Variants in TMEM174 observed in about 807,000 individuals in gnomAD.
TMEM174 encodes transmembrane protein 174.
Under a neutral mutation model 15.1 loss-of-function variants are expected in TMEM174, and 11 were observed. The observed-to-expected ratio is 0.73, with a 90% CI of 0.46 to 1.20. The LOEUF is 1.20. TMEM174 is among the 50% of genes most tolerant of loss of function. The probability of loss-of-function intolerance (pLI) is 0.00; values close to 1 mark genes in which losing one functional copy is unlikely to be tolerated. For synonymous variants in TMEM174, 130 were observed against 121.3 expected, an observed-to-expected ratio of 1.07 and a Z score of -0.47; for missense variants, 321 against 303.6, an observed-to-expected ratio of 1.06 and a Z score of -0.43.
Position 73,174,473 on chromosome 5 carries a change from C to T in TMEM174, c.*308C>T, listed in dbSNP as rs1002213965. 90 of 259,830 alleles carry T rather than the reference C, an allele frequency of 3.5e-4. No homozygotes were observed. The highest frequency in any genetic ancestry group is 2.5e-3 in the Middle Eastern group (2 of 812). 16.1% of individuals were successfully genotyped at this position (259,830 alleles called of 1,614,324 possible). On this transcript the variant is annotated 3_prime_UTR_variant, in exon 2 of 2. Coordinates refer to ENST00000296776, the MANE Select transcript of TMEM174 (RefSeq NM_153217.3). Reference sequence around the variant, plus strand: ...TTTCATCCACCACCCTCCCCCTTCTCTGTAGGAAGGCATTGGTGGCTCAAT... The same window carrying T: ...TTTCATCCACCACCCTCCCCCTTCTTTGTAGGAAGGCATTGGTGGCTCAAT...
At position 73,174,794 on chromosome 5, in the gene TMEM174, C is replaced by T. The variant is rs962994725; in HGVS notation, c.*629C>T. 2 of 152,498 alleles carry T rather than the reference C, an allele frequency of 1.3e-5. No individual in the cohort carries two copies. Among genetic ancestry groups the T allele is most frequent in the Admixed American group, 1.3e-4 (2 of 15,290 alleles). The allele number at this position is 152,498 out of a possible 1,614,324, so 9.4% of individuals were successfully genotyped here. ...TGCTAGAATAGTATTGGATACCTGA[C>T]TAAATTACACAAAATAGACCATAAT... On this transcript the variant is annotated 3_prime_UTR_variant, in exon 2 of 2. Coordinates refer to ENST00000296776, the MANE Select transcript of TMEM174 (RefSeq NM_153217.3).
chr5:73,174,097 C>T lies in TMEM174; in HGVS notation c.664C>T (p.Leu222=). Residue 222 remains leucine (L), a synonymous_variant, in exon 2 of 2, where the codon CTG becomes TTG. Coordinates refer to ENST00000296776, the MANE Select transcript of TMEM174 (RefSeq NM_153217.3). ...TGTTGACCAGCTAGAAGAGACACAG[C>T]TGGAAGAGGAGGCCTGTGCCTGCTT... ...PDVDQLEETQ[L]EEEACACFSP... is the part of the protein sequence containing the mutation. 8.1e-6 allele frequency: 13 copies of T among 1,614,126 alleles called. No individual in the cohort carries two copies. The highest frequency in any genetic ancestry group is 1.1e-5 in the Non-Finnish European group (13 of 1,180,040).
intron 1 of TMEM174, 81 bp from the exon 2 acceptor site, chr5:73,173,979 C>T (rs1745023321): frequency 1.2e-6 from 2 of 1,604,684 alleles, no homozygotes; most frequent in African/African-American, 1.3e-5. Flanking sequence ...TCTTCTTAGC[C>T]TGTTGCCCAC....
Position 73,174,120 on chromosome 5 carries a change from C to T in TMEM174, c.687C>T (p.Cys229=), listed in dbSNP as rs759175513. 21 of 1,614,068 alleles carry T rather than the reference C, an allele frequency of 1.3e-5. No homozygotes were observed. Among genetic ancestry groups the T allele is most frequent in the East Asian group, 4.5e-5 (2 of 44,888 alleles). Residue 229 remains cysteine (C), a synonymous_variant, in exon 2 of 2, where the codon TGC becomes TGT. Transcript: ENST00000296776. ...AGCTGGAAGAGGAGGCCTGTGCCTGCTTCTCTCCTCCCCCTTATGAAGAAA... is the reference window on the plus strand; with the variant it reads ...AGCTGGAAGAGGAGGCCTGTGCCTGTTTCTCTCCTCCCCCTTATGAAGAAA... ...ETQLEEEACA[C]FSPPPYEEIY... is the part of the protein sequence containing the mutation.
chr5:73,173,956 G>T, intron 1 of TMEM174, 87 bp downstream of exon 1: 1 of 1,598,272 alleles, frequency 6.3e-7, no homozygotes, highest in Non-Finnish European at 8.5e-7. Context: ...AAGGTGTTGG[G>T]AGACTGTGAA....
At position 73,174,162 on chromosome 5, in the gene TMEM174, C is replaced by T. The variant is rs746871661; in HGVS notation, c.729C>T (p.Arg243=). The T allele has an allele frequency of 1.2e-6, 2 of 1,612,388 alleles. No individual in the cohort carries two copies. Among genetic ancestry groups the T allele is most frequent in the South Asian group, 2.2e-5 (2 of 91,042 alleles). ...ATGAAGAAATATACTCTCTCCCTCGCTAGAGGCTATTCTGATATAATAACA... is the reference window on the plus strand; with the variant it reads ...ATGAAGAAATATACTCTCTCCCTCGTTAGAGGCTATTCTGATATAATAACA... ...PPYEEIYSLP[R] Residue 243 remains arginine, a synonymous_variant, in exon 2 of 2, where the codon CGC becomes CGT. Coordinates refer to ENST00000296776, the MANE Select transcript of TMEM174 (RefSeq NM_153217.3).
Position 73,174,881 on chromosome 5 carries a change from T to A in TMEM174, c.*716T>A, listed in dbSNP as rs4302564. The A allele has an allele frequency of 0.68, 103,166 of 151,906 alleles. 36,173 individuals carry two copies. The highest frequency in any genetic ancestry group is 0.81 in the Middle Eastern group (239 of 294). 9.4% of individuals were successfully genotyped at this position (151,906 alleles called of 1,614,324 possible). On this transcript the variant is annotated 3_prime_UTR_variant, in exon 2 of 2. Transcript: ENST00000296776. ...AGTCACAGTGACCCTTGGCTGCTGC[T>A]GTTCTCTTCTGCAAGGTTGAAGCTT...
At position 73,173,858 on chromosome 5, in the gene TMEM174, T is replaced by G; in HGVS notation, c.615T>G (p.Gly205=). Residue 205 remains glycine, a synonymous_variant, in exon 1 of 2, where the codon GGT becomes GGG. Coordinates refer to ENST00000296776, the MANE Select transcript of TMEM174 (RefSeq NM_153217.3). The stretch of plus-strand genomic sequence containing the variant: ...AGGGCTGCCTTTCTTTCACGGACGG[T>G]GGAAATCACAGGTATGGCGTGTCTA... The part of the protein sequence containing the change: ...VDEGCLSFTD[G]GNHRPNPDVD... 6.2e-7 allele frequency: 1 copy of G among 1,611,970 alleles called. No individual in the cohort carries two copies. The highest frequency in any genetic ancestry group is 8.5e-7 in the Non-Finnish European group (1 of 1,178,404).
In TMEM174 at chr5:73,173,447, T is replaced by A. The variant is rs969586893; in HGVS notation, c.204T>A (p.Phe68Leu). The A allele has an allele frequency of 6.2e-7, 1 of 1,614,114 alleles. No individual in the cohort carries two copies. Among genetic ancestry groups the A allele is most frequent in the African/African-American group, 1.3e-5 (1 of 74,942 alleles). The change falls in exon 1 of 2, where the codon TTT becomes TTA. Residue 68 changes from phenylalanine to leucine, a missense_variant. By Grantham distance (22) the Phe-to-Leu change is conservative (BLOSUM62 0). Transcript: ENST00000296776. ...GWIKYQGVSH[F>L]EWTQLLGPVL... ...TCAAATACCAAGGTGTCTCCCACTT[T>A]GAATGGACCCAGCTCCTTGGGCCCG... is the stretch of plus-strand genomic sequence containing the variant.
Position 73,173,867 on chromosome 5 carries a change from C to G in TMEM174, c.624C>G (p.His208Gln), listed in dbSNP as rs115697383. 312 of 1,611,098 alleles carry G rather than the reference C, an allele frequency of 1.9e-4. No homozygotes were observed. In the African/African-American group the frequency reaches 3.7e-3, roughly 19 times the overall value. ...GCLSFTDGGN[H>Q]RPNPDVDQLE... ...TTTCTTTCACGGACGGTGGAAATCACAGGTATGGCGTGTCTACTGGGGGAA... is the reference window on the plus strand; with the variant it reads ...TTTCTTTCACGGACGGTGGAAATCAGAGGTATGGCGTGTCTACTGGGGGAA... Residue 208 changes from histidine to glutamine, a missense_variant and splice_region_variant, in exon 1 of 2, where the codon CAC (histidine) becomes CAG (glutamine). Physicochemically the swap from His to Gln is conservative, Grantham distance 24. Transcript: ENST00000296776.
rs760840316 is a variant in TMEM174 at position 73,173,643 on chromosome 5, G to A, written c.400G>A (p.Ala134Thr). The change falls in exon 1 of 2, where the codon GCC (alanine) becomes ACC (threonine). Residue 134 changes from alanine (A) to threonine (T), a missense_variant. Transcript: ENST00000296776. The stretch of plus-strand genomic sequence containing the variant: ...CAACCAACCCATCACCTTCCATGGG[G>A]CCACTGTGGTGCAGTACATCCCTCC... Reference protein sequence around the residue: ...GINQPITFHGATVVQYIPPPY... With the variant: ...GINQPITFHGTTVVQYIPPPY... 1.9e-5 allele frequency: 30 copies of A among 1,614,026 alleles called. No individual in the cohort carries two copies. The South Asian group carries it at 3.0e-4, about 16-fold the overall frequency.
chr5:73,173,904 T>A (rs200380604), intron 1 of TMEM174, 35 bp downstream of exon 1: 9 of 1,598,242 alleles, frequency 5.6e-6, no homozygotes, highest in African/African-American at 1.3e-5. Flanking sequence ...GCACTCCTTC[T>A]AGCCATCTCC....
chr5:73,174,789 C>T lies in TMEM174; in HGVS notation c.*624C>T, dbSNP rs1213590775. On this transcript the variant is annotated 3_prime_UTR_variant, in exon 2 of 2. Transcript: ENST00000296776. Reference sequence around the variant, plus strand: ...TCTCCTGCTAGAATAGTATTGGATACCTGACTAAATTACACAAAATAGACC... The same window carrying T: ...TCTCCTGCTAGAATAGTATTGGATATCTGACTAAATTACACAAAATAGACC... The T allele has an allele frequency of 6.6e-6, 1 of 152,512 alleles. No homozygotes were observed. Among genetic ancestry groups the T allele is most frequent in the African/African-American group, 2.4e-5 (1 of 41,446 alleles). 9.4% of individuals were successfully genotyped at this position (152,512 alleles called of 1,614,324 possible). A position where few individuals can be genotyped will look rare whatever the true frequency, so the allele number is the denominator to read the frequency against.
Position 73,174,578 on chromosome 5 carries a change from G to T in TMEM174, c.*413G>T. On this transcript the variant is annotated 3_prime_UTR_variant, in exon 2 of 2. Coordinates refer to ENST00000296776, the MANE Select transcript of TMEM174 (RefSeq NM_153217.3). ...CACAGAGGTGAGAGTCGGGTGGGAA[G>T]GAAGCAGGGAAGAGAAAGCAGGCCC... 6.2e-6 allele frequency: 1 copy of T among 161,594 alleles called. No homozygotes were observed. Among genetic ancestry groups the T allele is most frequent in the Non-Finnish European group, 1.3e-5 (1 of 74,134 alleles). 10.0% of individuals were successfully genotyped at this position (161,594 alleles called of 1,614,324 possible).
rs538618533 is a variant in TMEM174 at position 73,174,032 on chromosome 5, G to A, written c.627-28G>A. On this transcript the variant is annotated intron_variant, in intron 1 of 1. Transcript: ENST00000296776. ...TGTGAATGGTGCTTTGGACCATAAT[G>A]TACCTGTGTTTTCTGCTCACATTTC... The A allele has an allele frequency of 8.1e-6, 13 of 1,612,392 alleles. No individual in the cohort carries two copies. In the East Asian group the frequency reaches 2.0e-4, roughly 25 times the overall value.
intron 1 of TMEM174, 49 bp downstream of exon 1, chr5:73,173,918 A>G: frequency 6.3e-7 from 1 of 1,594,896 alleles, no homozygotes. Context: ...CATCTCCGTC[A>G]TGATCTGTGG....
rs545066202 is a variant in TMEM174, at chr5:73,173,678, T to C, written c.435T>C (p.Gly145=). The part of the protein sequence containing the change: ...TVVQYIPPPY[G]SPEPMGINTS... ...TGCAGTACATCCCTCCTCCTTATGG[T>C]TCTCCAGAGCCTATGGGGATAAATA... Residue 145 remains glycine (G), a synonymous_variant, in exon 1 of 2, where the codon GGT becomes GGC. Coordinates refer to ENST00000296776, the MANE Select transcript of TMEM174 (RefSeq NM_153217.3). The C allele has an allele frequency of 5.6e-6, 9 of 1,614,174 alleles. No homozygotes were observed. Among genetic ancestry groups the C allele is most frequent in the Non-Finnish European group, 7.6e-6 (9 of 1,180,028 alleles).
At position 73,174,078 on chromosome 5, in the gene TMEM174, C is replaced by A. The variant is rs950309907; in HGVS notation, c.645C>A (p.Asp215Glu). ...ATTTCAGGCCCAATCCTGATGTTGA[C>A]CAGCTAGAAGAGACACAGCTGGAAG... ...GGNHRPNPDV[D>E]QLEETQLEEE... The change falls in exon 2 of 2, where the codon GAC (aspartate) becomes GAA (glutamate). Residue 215 changes from aspartate to glutamate, a missense_variant. By Grantham distance (45) the Asp-to-Glu change is conservative. Coordinates refer to ENST00000296776, the MANE Select transcript of TMEM174 (RefSeq NM_153217.3). The A allele has an allele frequency of 6.2e-7, 1 of 1,613,992 alleles. No individual in the cohort carries two copies. Among genetic ancestry groups the A allele is most frequent in the African/African-American group, 1.3e-5 (1 of 75,038 alleles).
chr5:73,173,669 T>C lies in TMEM174; in HGVS notation c.426T>C (p.Pro142=). 6.2e-7 allele frequency: 1 copy of C among 1,614,106 alleles called. No homozygotes were observed. Among genetic ancestry groups the C allele is most frequent in the Non-Finnish European group, 8.5e-7 (1 of 1,180,028 alleles). The change falls in exon 1 of 2, where the codon CCT becomes CCC. Residue 142 remains proline, a synonymous_variant. Transcript: ENST00000296776. ...HGATVVQYIP[P]PYGSPEPMGI... ...CCACTGTGGTGCAGTACATCCCTCC[T>C]CCTTATGGTTCTCCAGAGCCTATGG... is the stretch of plus-strand genomic sequence containing the variant.
Sources: allele counts gnomAD v4.1 joint callset, GRCh38; gene constraint gnomAD v4.1.1; transcripts MANE v1.5; gene names NCBI Gene and HGNC (gene_info 2026-07-23, HGNC 2026-07-21).